NPAS4: variants seen among roughly 807,000 people sequenced by gnomAD.
NPAS4 encodes the protein neuronal PAS domain protein 4.
Under a neutral mutation model 64.0 loss-of-function variants are expected in NPAS4, and 10 were observed. The ratio of observed to expected loss-of-function variants is 0.16; its 90% CI spans 0.10 to 0.26. The LOEUF (loss-of-function observed/expected upper bound fraction) is 0.26, where lower values mean the gene tolerates loss of function less well. Among genes scored for constraint, NPAS4 ranks in the 10% least tolerant of loss-of-function variants. NPAS4 has a pLI of 1.00. For missense variants in NPAS4, 886 were observed against 992.6 expected, an observed-to-expected ratio of 0.89 and a Z score of 1.44; for synonymous variants, 441 against 411.7, an observed-to-expected ratio of 1.07 and a Z score of -0.86.
At chr11:66,415,778 T>C in the NPAS4 span, among the ~76,000 whole-genome samples, 1 of 152,148 alleles carries the variant, frequency 6.6e-6, no homozygotes, top group Admixed American at 6.5e-5. Flanking sequence ...TTTGATTAAG[T>C]CATTATCTAT....
At chr11:66,422,361 G>A in intron 2 of NPAS4, 90 bp downstream of exon 2, 1 of 1,496,818 alleles carries the variant, frequency 6.7e-7, no homozygotes, top group South Asian at 1.1e-5. Context: ...TTACTATGGA[G>A]GGAGAGGTTA....
upstream of NPAS4, chr11:66,417,056 C>G (rs1169257417): frequency 1.3e-5 from 2 of 152,166 alleles, no homozygotes; most frequent in African/African-American, 2.4e-5. Flanking sequence ...AGCAAGGGAT[C>G]TCACGGCCTG....
chr11:66,414,121 G>A, the NPAS4 span, among the ~76,000 whole-genome samples: 2 of 152,188 alleles, frequency 1.3e-5, no homozygotes, highest in Non-Finnish European at 2.9e-5. Context: ...GTGCGGTGAC[G>A]AGGAAGCACA....
chr11:66,424,329 C>T lies in NPAS4; in HGVS notation c.1439C>T (p.Pro480Leu), dbSNP rs1856804526. 6.2e-7 allele frequency: 1 copy of T among 1,614,150 alleles called. No individual in the cohort carries two copies. The highest frequency in any genetic ancestry group is 1.6e-4 in the Middle Eastern group (1 of 6,062). Residue 480 changes from proline to leucine, a missense_variant, in exon 7 of 8, where the codon CCA (proline) becomes CTA (leucine). Pro to Leu is a moderately conservative substitution (Grantham distance 98). This residue lies in a region of NPAS4 where 820 missense variants were observed against 855.5 expected (regional missense o/e 0.96). Transcript: ENST00000311034. ...CCCAGCAGTGCAACCTTCCCAGATC[C>T]ACTAACTAGCCCACTGCAAGGCCAG... The part of the protein sequence containing the change: ...LTPSSATFPD[P>L]LTSPLQGQLT...
In NPAS4 at chr11:66,425,124, A is replaced by G; in HGVS notation, c.2234A>G (p.Asn745Ser). 1 of 1,605,672 alleles carries G rather than the reference A, an allele frequency of 6.2e-7. No homozygotes were observed. Among genetic ancestry groups the G allele is most frequent in the Middle Eastern group, 1.7e-4 (1 of 6,006 alleles). The part of the protein sequence containing the change: ...GPGGAPSPCN[N>S]LSPEDHSFLE... Reference sequence around the variant, plus strand: ...GGAGGGGCCCCATCGCCTTGCAACAACCTGTCCCCAGAAGACCACAGCTTC... The same window carrying G: ...GGAGGGGCCCCATCGCCTTGCAACAGCCTGTCCCCAGAAGACCACAGCTTC... The change falls in exon 7 of 8, where the codon AAC becomes AGC. Residue 745 changes from asparagine to serine, a missense_variant. By Grantham distance (46) the Asn-to-Ser change is conservative. This residue lies in a region of NPAS4 where 820 missense variants were observed against 855.5 expected (regional missense o/e 0.96). Coordinates refer to ENST00000311034, the MANE Select transcript of NPAS4 (RefSeq NM_178864.4).
chr11:66,414,333 T>C, the NPAS4 span, among the ~76,000 whole-genome samples: 231 of 152,280 alleles, frequency 1.5e-3, 3 homozygotes, highest in Non-Finnish European at 2.1e-4. Context: ...TAGGTTTCTT[T>C]CCCCTCTTGG....
rs771597510 is a variant in NPAS4, at chr11:66,424,337, A to T, written c.1447A>T (p.Ser483Cys). Residue 483 changes from serine to cysteine, a missense_variant, in exon 7 of 8, where the codon AGC (serine) becomes TGC (cysteine). Around this residue, in one of 3 missense-constraint regions of NPAS4, gnomAD observed 820 missense variants for 855.5 expected, o/e 0.96. Coordinates refer to ENST00000311034, the MANE Select transcript of NPAS4 (RefSeq NM_178864.4). ...SSATFPDPLTSPLQGQLTETS... is the reference protein window; with the variant it reads ...SSATFPDPLTCPLQGQLTETS... ...TGCAACCTTCCCAGATCCACTAACT[A>T]GCCCACTGCAAGGCCAGTTGACTGA... The T allele has an allele frequency of 3.7e-6, 6 of 1,614,086 alleles. No individual in the cohort carries two copies. The highest frequency in any genetic ancestry group is 5.1e-6 in the Non-Finnish European group (6 of 1,180,000).
intron 7 of NPAS4, 149 bp downstream of exon 7, chr11:66,425,419 G>GA (rs556218235): frequency 3.6e-4 from 178 of 489,146 alleles, no homozygotes; most frequent in African/African-American, 3.2e-3. Context: ...GTGGAGATAA[G>GA]AAAAAATGAA....
Position 66,426,622 on chromosome 11 carries a change from C to A in NPAS4, c.*633C>A, listed in dbSNP as rs1856841755. The A allele has an allele frequency of 6.5e-6, 1 of 153,004 alleles. No individual in the cohort carries two copies. Among genetic ancestry groups the A allele is most frequent in the African/African-American group, 2.4e-5 (1 of 41,476 alleles). The allele number at this position is 153,004 out of a possible 1,614,324, so 9.5% of individuals were successfully genotyped here. On this transcript the variant is annotated 3_prime_UTR_variant, in exon 8 of 8. Coordinates refer to ENST00000311034, the MANE Select transcript of NPAS4 (RefSeq NM_178864.4). ...CGGGACTCACCCGGCCGCCAGACTG[C>A]CTGGGCCTGCCCAGATGGCCACCTC... is the stretch of plus-strand genomic sequence containing the variant.
In NPAS4 at chr11:66,425,133, C is replaced by A; in HGVS notation, c.2243C>A (p.Pro748Gln). Reference sequence around the variant, plus strand: ...CCATCGCCTTGCAACAACCTGTCCCCAGAAGACCACAGCTTCCTGGAGGAC... The same window carrying A: ...CCATCGCCTTGCAACAACCTGTCCCAAGAAGACCACAGCTTCCTGGAGGAC... ...GAPSPCNNLS[P>Q]EDHSFLEDLA... The change falls in exon 7 of 8, where the codon CCA becomes CAA. Residue 748 changes from proline (P) to glutamine (Q), a missense_variant. By Grantham distance (76) the Pro-to-Gln change is moderately conservative. This residue lies in a region of NPAS4 where 820 missense variants were observed against 855.5 expected (regional missense o/e 0.96). Coordinates refer to ENST00000311034, the MANE Select transcript of NPAS4 (RefSeq NM_178864.4). 2 of 1,605,696 alleles carry A rather than the reference C, an allele frequency of 1.2e-6. No individual in the cohort carries two copies. Among genetic ancestry groups the A allele is most frequent in the East Asian group, 2.2e-5 (1 of 44,838 alleles).
the NPAS4 span, chr11:66,409,424 G>C: frequency 1.3e-5 from 2 of 152,092 alleles, no homozygotes; most frequent in Non-Finnish European, 2.9e-5. Flanking sequence ...GCGCCTTCGG[G>C]GATCCTCTCT....
At chr11:66,416,453 C>T (rs1590690046), upstream of NPAS4, among the ~76,000 whole-genome samples, 1 of 152,328 alleles carries the variant, frequency 6.6e-6, no homozygotes, top group South Asian at 2.1e-4. Context: ...GATATGGCTG[C>T]AGTGGCTGGT....
the NPAS4 span, among the ~76,000 whole-genome samples, chr11:66,415,780 A>G: frequency 1.3e-5 from 2 of 152,192 alleles, no homozygotes; most frequent in African/African-American, 2.4e-5. Context: ...TGATTAAGTC[A>G]TTATCTATCT....
upstream of NPAS4, among the ~76,000 whole-genome samples, chr11:66,417,922 A>G (rs965281547): frequency 1.3e-5 from 2 of 152,166 alleles, no homozygotes; most frequent in African/African-American, 4.8e-5. Flanking sequence ...TAGACATCCA[A>G]CCACCTCCAG....
intron 1 of NPAS4, among the ~76,000 whole-genome samples, chr11:66,421,859 C>T (rs1452326301): frequency 6.6e-6 from 1 of 152,108 alleles, no homozygotes; most frequent in African/African-American, 2.4e-5. Context: ...AATTCAGAGC[C>T]GCTTTGGAGC....
upstream of NPAS4, among the ~76,000 whole-genome samples, chr11:66,418,745 T>C (rs1856696964): frequency 6.6e-6 from 1 of 152,038 alleles, no homozygotes; most frequent in African/African-American, 2.4e-5. Context: ...CTGCAAACCC[T>C]CCATATTCAT....
At chr11:66,416,051 A>C (rs1016742308), upstream of NPAS4, among the ~76,000 whole-genome samples, 2 of 152,228 alleles carry the variant, frequency 1.3e-5, no homozygotes, top group African/African-American at 4.8e-5. Context: ...GCAGTGAGCT[A>C]TGATCAGGCC....
In NPAS4 at chr11:66,424,830, A is replaced by G. The variant is rs150603332; in HGVS notation, c.1940A>G (p.Asp647Gly). Residue 647 changes from aspartate to glycine, a missense_variant, in exon 7 of 8, where the codon GAC becomes GGC. Coordinates refer to ENST00000311034, the MANE Select transcript of NPAS4 (RefSeq NM_178864.4). ...QQISQLAQGM[D>G]RPFSAEAGTG... is the part of the protein sequence containing the mutation. ...ATTAGCCAATTGGCTCAGGGCATGGACAGACCCTTCTCAGCTGAGGCTGGC... is the reference window on the plus strand; with the variant it reads ...ATTAGCCAATTGGCTCAGGGCATGGGCAGACCCTTCTCAGCTGAGGCTGGC... The G allele has an allele frequency of 3.9e-5, 63 of 1,613,748 alleles. No homozygotes were observed. Among genetic ancestry groups the G allele is most frequent in the Non-Finnish European group, 5.1e-5 (60 of 1,179,906 alleles).
At chr11:66,418,438 GC>G (rs1285208805), upstream of NPAS4, among the ~76,000 whole-genome samples, 3 of 152,124 alleles carry the variant, frequency 2.0e-5, no homozygotes, top group African/African-American at 7.2e-5. Flanking sequence ...CTGCTGCCAA[GC>G]TATTTTTGGT....
Sources: allele counts gnomAD v4.1 joint callset (sites outside exome capture counted in the v4.1 genomes callset), GRCh38; gene constraint gnomAD v4.1.1; regional missense constraint gnomAD v4.1.1; transcripts MANE v1.5; gene names NCBI Gene and HGNC (gene_info 2026-07-23, HGNC 2026-07-21).